Variants in RGPD5 observed in about 807,000 individuals in gnomAD.
RGPD5 encodes the protein RANBP2-like and GRIP domain-containing protein 5/6.
At chr2:109,760,675 C>A in the RGPD5 span, among the ~76,000 whole-genome samples, 15 of 145,122 alleles carry the variant, frequency 1.0e-4, no homozygotes, top group African/African-American at 3.5e-4. Context: ...CGAGCTTCGG[C>A]GGCGGCGGCG....
chr2:109,782,123 T>C, the RGPD5 span, among the ~76,000 whole-genome samples: 2 of 8,908 alleles, frequency 2.2e-4, 1 homozygote, highest in African/African-American at 2.5e-4. Context: ...CATTTTATTT[T>C]ATTTTATCCT....
the RGPD5 span, among the ~76,000 whole-genome samples, chr2:109,777,333 T>G: frequency 1.0e-4 from 15 of 148,144 alleles, no homozygotes; most frequent in Middle Eastern, 3.4e-3. Context: ...TACTTTAATA[T>G]ACTTTAATAG....
At chr2:109,777,105 CAT>C in the RGPD5 span, among the ~76,000 whole-genome samples, 1 of 97,068 alleles carries the variant, frequency 1.0e-5, no homozygotes, top group Non-Finnish European at 2.1e-5. Context: ...AGTGAGTAGA[CAT>C]CTTTGGTTTG....
intron 1 of RGPD5, among the ~76,000 whole-genome samples, chr2:109,799,334 C>CTT (rs1230594351): frequency 3.4e-5 from 1 of 29,102 alleles, no homozygotes. Flanking sequence ...TGCTATAGTT[C>CTT]TTTTTTTTTT....
the RGPD5 span, among the ~76,000 whole-genome samples, chr2:109,774,533 AT>A: frequency 5.7e-5 from 4 of 69,714 alleles, 1 homozygote; most frequent in South Asian, 9.2e-4. Context: ...TATATATATT[AT>A]ATATAAAATA....
At chr2:109,767,376 C>G in the RGPD5 span, among the ~76,000 whole-genome samples, 4 of 146,540 alleles carry the variant, frequency 2.7e-5, no homozygotes, top group African/African-American at 1.0e-4. Context: ...TACGGTGGTA[C>G]TACTCACATA....
At chr2:109,799,333 TC>T (rs1218145808) in intron 1 of RGPD5, among the ~76,000 whole-genome samples, 102 of 53,126 alleles carry the variant, frequency 1.9e-3, no homozygotes, top group South Asian at 6.4e-3. Flanking sequence ...TTGCTATAGT[TC>T]TTTTTTTTTT....
the RGPD5 span, among the ~76,000 whole-genome samples, chr2:109,761,061 A>T: frequency 9.6e-4 from 135 of 139,954 alleles, 1 homozygote; most frequent in Non-Finnish European, 1.5e-3. Context: ...GGGGAGGAAA[A>T]GAAGCGATTT....
Position 109,794,613 on chromosome 2 carries a change from G to GGGA in RGPD5, c.72+78_72+79insAGG, listed in dbSNP as rs1676878545. ...GGCGGCGGCGGCGGCGGCGGCGGGG[G>GGGA]GGGCGGCGGCGGCGGCCGCCTCGAT... On this transcript the variant is annotated intron_variant, in intron 1 of 22. Coordinates refer to ENST00000016946, the MANE Select transcript of RGPD5 (RefSeq NM_005054.3). 2 of 314,700 alleles carry GGGA rather than the reference G, an allele frequency of 6.4e-6. 1 individual carries two copies. Among genetic ancestry groups the GGGA allele is most frequent in the Admixed American group, 1.8e-4 (2 of 11,070 alleles). The allele number at this position is 314,700 out of a possible 1,614,324, so 19.5% of individuals were successfully genotyped here.
chr2:109,760,800 G>T, the RGPD5 span, among the ~76,000 whole-genome samples: 1 of 140,208 alleles, frequency 7.1e-6, no homozygotes, highest in Admixed American at 7.3e-5. Flanking sequence ...CGCTTCGGGC[G>T]GGCGGGAGCG....
At chr2:109,777,033 A>AT in the RGPD5 span, among the ~76,000 whole-genome samples, 2 of 73,920 alleles carry the variant, frequency 2.7e-5, no homozygotes, top group Non-Finnish European at 2.9e-5. Flanking sequence ...GTTGCTTTTA[A>AT]TTTTTTTTTC....
At chr2:109,777,252 A>G in the RGPD5 span, among the ~76,000 whole-genome samples, 1 of 148,222 alleles carries the variant, frequency 6.7e-6, no homozygotes, top group East Asian at 2.0e-4. Context: ...TTAAGCACAA[A>G]AGGATGTGTG....
chr2:109,764,567 TAAGAC>T, the RGPD5 span, among the ~76,000 whole-genome samples: 114 of 149,750 alleles, frequency 7.6e-4, 6 homozygotes, highest in Admixed American at 1.0e-3. Flanking sequence ...ATGAGGAAAT[TAAGAC>T]AAGAACACAC....
chr2:109,794,742 C>T, intron 1 of RGPD5: 1 of 447,452 alleles, frequency 2.2e-6, no homozygotes, highest in Non-Finnish European at 2.6e-6. Flanking sequence ...CTTGCAAGCG[C>T]AGGAAGAGTC....
chr2:109,760,653 G>C, the RGPD5 span, among the ~76,000 whole-genome samples: 3 of 144,880 alleles, frequency 2.1e-5, no homozygotes, highest in Non-Finnish European at 3.0e-5. Flanking sequence ...TCGTCGCAGC[G>C]CGCGGGCGGC....
the RGPD5 span, among the ~76,000 whole-genome samples, chr2:109,761,714 T>C: frequency 1.3e-5 from 2 of 148,290 alleles, no homozygotes; most frequent in Non-Finnish European, 3.0e-5. Context: ...AATTACTGCC[T>C]GCATATTCCT....
At chr2:109,761,331 G>T in the RGPD5 span, among the ~76,000 whole-genome samples, 1 of 150,904 alleles carries the variant, frequency 6.6e-6, no homozygotes, top group Non-Finnish European at 1.5e-5. Flanking sequence ...GTGTTTCTCC[G>T]TGCCGGTATT....
At chr2:109,761,680 C>T in the RGPD5 span, among the ~76,000 whole-genome samples, 1 of 148,666 alleles carries the variant, frequency 6.7e-6, no homozygotes, top group Admixed American at 6.9e-5. Flanking sequence ...TAAATGTTTC[C>T]AACCAGCACT....
At chr2:109,761,009 A>G in the RGPD5 span, among the ~76,000 whole-genome samples, 1 of 135,784 alleles carries the variant, frequency 7.4e-6, no homozygotes, top group Admixed American at 7.6e-5. Context: ...GCCCCAGCCC[A>G]GGGACTGGTG....
Sources: gnomAD v4.1 joint callset for allele counts (sites outside exome capture counted in the v4.1 genomes callset) on GRCh38, gnomAD v4.1.1 for gene constraint, MANE v1.5 for transcripts, NCBI Gene and HGNC (gene_info 2026-07-23, HGNC 2026-07-21) for gene names.